PTPRD: variants seen among roughly 807,000 people sequenced by gnomAD.
The protein encoded by PTPRD is receptor-type tyrosine-protein phosphatase delta.
A neutral mutation model predicts 214.5 loss-of-function variants in PTPRD; 34 were observed. That is an observed-to-expected ratio of 0.16 (90% CI 0.12 to 0.21). The LOEUF (loss-of-function observed/expected upper bound fraction) is 0.21. Among genes scored for constraint, PTPRD ranks in the 10% least tolerant of loss-of-function variants. PTPRD has a pLI of 1.00. For missense variants in PTPRD, 2,545 were observed against 2,398.7 expected, an observed-to-expected ratio of 1.06 and a Z score of -1.27; for synonymous variants, 1,128 against 845.7, an observed-to-expected ratio of 1.33 and a Z score of -5.79.
chr9:8,714,252 C>G (rs1486278414), intron 12 of PTPRD, among the ~76,000 whole-genome samples: 1 of 152,168 alleles, frequency 6.6e-6, no homozygotes, highest in East Asian at 1.9e-4. Context: ...TCAGAGTAAT[C>G]CTAACAAAGC....
At chr9:8,487,030 A>G (rs1415953751) in intron 27 of PTPRD, among the ~76,000 whole-genome samples, 1 of 152,154 alleles carries the variant, frequency 6.6e-6, no homozygotes, top group Non-Finnish European at 1.5e-5. Context: ...TATCGTATTG[A>G]CTTACTATGA....
chr9:9,480,598 T>C (rs1052666161), intron 8 of PTPRD, among the ~76,000 whole-genome samples: 4 of 152,176 alleles, frequency 2.6e-5, no homozygotes, highest in African/African-American at 9.6e-5. Flanking sequence ...CTTTTTCTTT[T>C]AGTAATTTCC....
intron 9 of PTPRD, among the ~76,000 whole-genome samples, chr9:9,394,362 G>C (rs1206196679): frequency 6.6e-6 from 1 of 152,078 alleles, no homozygotes. Flanking sequence ...TATTCCTAGT[G>C]CCTTAAAAAT....
intron 4 of PTPRD, among the ~76,000 whole-genome samples, chr9:9,945,245 G>A (rs889650459): frequency 1.3e-5 from 2 of 151,880 alleles, no homozygotes; most frequent in Non-Finnish European, 2.9e-5. Context: ...CTAATAGGGA[G>A]GTAAATAAAC....
At chr9:10,398,736 C>T (rs1343257569) in intron 2 of PTPRD, among the ~76,000 whole-genome samples, 5 of 151,892 alleles carry the variant, frequency 3.3e-5, no homozygotes, top group South Asian at 2.1e-4. Context: ...ATAAAAATGG[C>T]GGCCACGTAT....
intron 3 of PTPRD, among the ~76,000 whole-genome samples, chr9:10,142,043 A>T (rs1177532386): frequency 1.3e-5 from 2 of 151,928 alleles, no homozygotes; most frequent in Non-Finnish European, 2.9e-5. Context: ...CTATTTAATA[A>T]ATGGTGCTGG....
intron 3 of PTPRD, among the ~76,000 whole-genome samples, chr9:10,163,990 T>C (rs996023480): frequency 6.6e-6 from 1 of 151,450 alleles, no homozygotes; most frequent in African/African-American, 2.4e-5. Context: ...ATGAACTATT[T>C]TTAACACACA....
rs1200247685 is a variant in PTPRD at position 10,255,809 on chromosome 9, A to G, written c.-545+85154T>C. Among the ~76,000 whole-genome samples, 5 of 152,142 alleles carry G rather than the reference A, an allele frequency of 3.3e-5. 1 individual carries two copies. The highest frequency in any genetic ancestry group is 2.6e-4 in the Admixed American group (4 of 15,266). ...ACAGTTTAAGAATTTTTTAGTCATT[A>G]TTACTATTATTTACTTTTAAAACTG... On this transcript the variant is annotated intron_variant, in intron 3 of 45. Transcript: ENST00000381196.
intron 39 of PTPRD, 134 bp from the exon 40 acceptor site, chr9:8,342,112 T>G (rs574535931): frequency 1.1e-6 from 1 of 924,464 alleles, no homozygotes; most frequent in Non-Finnish European, 1.5e-6. Context: ...TGGGATGACT[T>G]TGTAATACTC....
chr9:10,316,219 G>C (rs1161122227), intron 3 of PTPRD, among the ~76,000 whole-genome samples: 1 of 148,888 alleles, frequency 6.7e-6, no homozygotes, highest in Admixed American at 6.8e-5. Context: ...ATATGATAAA[G>C]ACGACTGTGC....
At chr9:10,057,862 C>CAA (rs5896363) in intron 3 of PTPRD, among the ~76,000 whole-genome samples, 49 of 141,520 alleles carry the variant, frequency 3.5e-4, no homozygotes, top group East Asian at 8.2e-4. Context: ...AAAAAAAAAA[C>CAA]AAAAAAAAAG....
chr9:8,616,271 T>G (rs1247611532), intron 14 of PTPRD, among the ~76,000 whole-genome samples: 1 of 152,054 alleles, frequency 6.6e-6, no homozygotes, highest in South Asian at 2.1e-4. Context: ...ACACTAAGCT[T>G]ATGGGAATGT....
intron 9 of PTPRD, among the ~76,000 whole-genome samples, chr9:9,396,255 A>C: frequency 6.6e-6 from 1 of 152,044 alleles, no homozygotes; most frequent in East Asian, 1.9e-4. Flanking sequence ...GGGAGCCGTC[A>C]AAGGAACAGA....
At chr9:9,496,255 A>G (rs984345250) in intron 8 of PTPRD, among the ~76,000 whole-genome samples, 1 of 152,218 alleles carries the variant, frequency 6.6e-6, no homozygotes, top group African/African-American at 2.4e-5. Context: ...GCAAAATAGA[A>G]AAAAGGAGTA....
chr9:9,189,530 C>T (rs1185686623), intron 9 of PTPRD, among the ~76,000 whole-genome samples: 1 of 152,084 alleles, frequency 6.6e-6, no homozygotes, highest in Admixed American at 6.6e-5. Flanking sequence ...CTGATCCCTT[C>T]TCTCCTTAAA....
At chr9:9,219,655 C>G (rs2099954529) in intron 9 of PTPRD, among the ~76,000 whole-genome samples, 3 of 152,142 alleles carry the variant, frequency 2.0e-5, no homozygotes, top group Admixed American at 2.0e-4. Flanking sequence ...AGAGCAATCC[C>G]TGTATCAACA....
intron 4 of PTPRD, among the ~76,000 whole-genome samples, chr9:9,980,873 T>C (rs964749708): frequency 3.7e-5 from 5 of 135,546 alleles, no homozygotes; most frequent in African/African-American, 1.3e-4. Context: ...CAATAAAAAA[T>C]GCTAATTTAA....
intron 12 of PTPRD, among the ~76,000 whole-genome samples, chr9:8,693,777 G>T (rs1380286729): frequency 3.9e-5 from 6 of 152,188 alleles, no homozygotes; most frequent in Non-Finnish European, 7.3e-5. Flanking sequence ...GCAAAGCAAA[G>T]CTGAGAAAAC....
intron 9 of PTPRD, among the ~76,000 whole-genome samples, chr9:9,221,401 G>A (rs542153906): frequency 1.3e-5 from 2 of 152,172 alleles, no homozygotes; most frequent in African/African-American, 4.8e-5. Flanking sequence ...AATAACATCT[G>A]TATTAGTTGG....
Sources: allele counts gnomAD v4.1 joint callset (sites outside exome capture counted in the v4.1 genomes callset), GRCh38; gene constraint gnomAD v4.1.1; transcripts MANE v1.5; gene names NCBI Gene and HGNC (gene_info 2026-07-23, HGNC 2026-07-21).